Variants in TEX36 observed in about 807,000 individuals in gnomAD.
The protein encoded by TEX36 is testis expressed 36.
In TEX36, 12 loss-of-function variants were observed where a neutral mutation model predicts 13.6. The ratio of observed to expected loss-of-function variants is 0.88; its 90% CI spans 0.56 to 1.43. TEX36 has a LOEUF of 1.43. TEX36 is among the 40% of genes most tolerant of loss of function. The pLI, the probability that TEX36 is intolerant of heterozygous loss-of-function variation, is 0.00. For missense variants in TEX36, 224 were observed against 228.3 expected, an observed-to-expected ratio of 0.98 and a Z score of 0.12; for synonymous variants, 93 against 83.0, an observed-to-expected ratio of 1.12 and a Z score of -0.65.
intron 3 of TEX36, among the ~76,000 whole-genome samples, chr10:125,616,305 G>A (rs1395329942): frequency 6.6e-6 from 1 of 150,682 alleles, no homozygotes; most frequent in Admixed American, 6.6e-5. Flanking sequence ...TCTGATTTTA[G>A]TTATTTCTTG....
At chr10:125,643,006 CT>C (rs1277227128) in intron 3 of TEX36, among the ~76,000 whole-genome samples, 1 of 152,192 alleles carries the variant, frequency 6.6e-6, no homozygotes, top group African/African-American at 2.4e-5. Flanking sequence ...TCCAGGGGTG[CT>C]GGCATGGAGG....
At chr10:125,601,686 G>A (rs1016539137) in intron 3 of TEX36, among the ~76,000 whole-genome samples, 1 of 152,186 alleles carries the variant, frequency 6.6e-6, no homozygotes, top group Non-Finnish European at 1.5e-5. Flanking sequence ...TGGGGATCCA[G>A]GGCCCCCACC....
chr10:125,587,438 CCCA>C (rs1845967691), intron 3 of TEX36, among the ~76,000 whole-genome samples: 1 of 152,170 alleles, frequency 6.6e-6, no homozygotes, highest in Non-Finnish European at 1.5e-5. Context: ...TAAAAAGCCT[CCCA>C]CCAATATTCT....
chr10:125,660,889 T>C, intron 3 of TEX36, 132 bp downstream of exon 3: 1 of 744,182 alleles, frequency 1.3e-6, no homozygotes, highest in Non-Finnish European at 2.3e-6. Context: ...TTATGAGTCT[T>C]GTTTAAGACC....
intron 3 of TEX36, among the ~76,000 whole-genome samples, chr10:125,598,388 G>A (rs1846107227): frequency 6.6e-6 from 1 of 152,198 alleles, no homozygotes; most frequent in Non-Finnish European, 1.5e-5. Context: ...GGGTGATGCT[G>A]AGGCTAGCAC....
At chr10:125,671,103 C>T (rs1259587775) in intron 1 of TEX36, among the ~76,000 whole-genome samples, 1 of 152,114 alleles carries the variant, frequency 6.6e-6, no homozygotes, top group African/African-American at 2.4e-5. Flanking sequence ...TTCCTCTCTT[C>T]CTGTTTGAAT....
chr10:125,578,384 G>A (rs1467318693), intron 3 of TEX36: 1 of 152,246 alleles, frequency 6.6e-6, no homozygotes, highest in East Asian at 1.9e-4. Context: ...ATTGAGTAGA[G>A]CTTGTTTGCT....
rs1017512463 is a variant in TEX36 at position 125,661,020 on chromosome 10, C to T, written c.264+1G>A. ...TTAATAATTTGGAAAGAAATACTCACGGAGTCAAGGTAGCATCCAGAGTTC... is the reference window on the plus strand; with the variant it reads ...TTAATAATTTGGAAAGAAATACTCATGGAGTCAAGGTAGCATCCAGAGTTC... On this transcript the variant is annotated splice_donor_variant, in intron 3 of 3. Transcript: ENST00000368821. LOFTEE classifies it high-confidence loss of function. 2 of 1,550,176 alleles carry T rather than the reference C, an allele frequency of 1.3e-6. No homozygotes were observed. The highest frequency in any genetic ancestry group is 1.2e-5 in the South Asian group (1 of 84,022).
intron 3 of TEX36, among the ~76,000 whole-genome samples, chr10:125,646,719 T>G (rs1368814317): frequency 6.6e-6 from 1 of 152,074 alleles, no homozygotes; most frequent in African/African-American, 2.4e-5. Context: ...ACACCAACAT[T>G]TTACAAATCC....
intron 3 of TEX36, among the ~76,000 whole-genome samples, chr10:125,625,906 G>T (rs114455343): frequency 3.2e-3 from 491 of 152,292 alleles, no homozygotes; most frequent in Middle Eastern, 0.01. Flanking sequence ...CTGGTCATGG[G>T]TTCTGTCGGA....
chr10:125,654,346 T>C (rs1176539457), downstream of TEX36, among the ~76,000 whole-genome samples: 4 of 151,904 alleles, frequency 2.6e-5, no homozygotes, highest in African/African-American at 9.7e-5. Context: ...CAATAGAATA[T>C]CAAAATATAC....
chr10:125,629,092 T>G (rs544258189), intron 3 of TEX36, among the ~76,000 whole-genome samples: 2 of 152,322 alleles, frequency 1.3e-5, no homozygotes, highest in African/African-American at 4.8e-5. Context: ...TCGGAATTTG[T>G]GCAGGGCAAA....
At chr10:125,610,763 T>C (rs746125255) in intron 3 of TEX36, among the ~76,000 whole-genome samples, 6 of 152,248 alleles carry the variant, frequency 3.9e-5, no homozygotes, top group Non-Finnish European at 7.3e-5. Flanking sequence ...CACACAGATA[T>C]GATGCTATAT....
At chr10:125,651,651 A>G (rs547133998), downstream of TEX36, among the ~76,000 whole-genome samples, 7 of 152,110 alleles carry the variant, frequency 4.6e-5, no homozygotes, top group Middle Eastern at 3.4e-3. Flanking sequence ...GGCCAGGGCA[A>G]TCGGGCAGGA....
At chr10:125,666,020 A>G (rs1847114980) in intron 1 of TEX36, among the ~76,000 whole-genome samples, 1 of 152,150 alleles carries the variant, frequency 6.6e-6, no homozygotes, top group Admixed American at 6.5e-5. Flanking sequence ...TATAAAAGCT[A>G]CTGCTTTTTG....
At chr10:125,604,348 ACTGTG>A (rs1343535052) in intron 3 of TEX36, among the ~76,000 whole-genome samples, 2 of 152,152 alleles carry the variant, frequency 1.3e-5, no homozygotes, top group Non-Finnish European at 2.9e-5. Context: ...CCTATTGTGA[ACTGTG>A]CATGCAAGGG....
At chr10:125,636,354 C>T (rs1012230020) in intron 3 of TEX36, among the ~76,000 whole-genome samples, 11 of 151,394 alleles carry the variant, frequency 7.3e-5, no homozygotes, top group East Asian at 3.9e-4. Context: ...TACAGGCGCC[C>T]GCTACCACAC....
At chr10:125,598,259 G>T (rs1365337239) in intron 3 of TEX36, among the ~76,000 whole-genome samples, 1 of 152,200 alleles carries the variant, frequency 6.6e-6, no homozygotes, top group African/African-American at 2.4e-5. Context: ...CGTAGTCTAG[G>T]CTGGACCCTG....
intron 3 of TEX36, among the ~76,000 whole-genome samples, chr10:125,649,181 G>A (rs1305891928): frequency 6.6e-6 from 1 of 152,148 alleles, no homozygotes; most frequent in African/African-American, 2.4e-5. Context: ...CTCGAGAAGT[G>A]CAACTCCAAG....
Sources: allele counts gnomAD v4.1 joint callset (sites outside exome capture counted in the v4.1 genomes callset), GRCh38; gene constraint gnomAD v4.1.1; transcripts MANE v1.5; gene names NCBI Gene and HGNC (gene_info 2026-07-23, HGNC 2026-07-21).